Variants in ZNF536 observed in about 807,000 individuals in gnomAD.
ZNF536 encodes zinc finger protein 536.
In ZNF536, 13 loss-of-function variants were observed where a neutral mutation model predicts 84.5. That is an observed-to-expected ratio of 0.15 (90% CI 0.10 to 0.24). The LOEUF is 0.24. Among genes scored for constraint, ZNF536 ranks in the 10% least tolerant of loss-of-function variants. The probability of loss-of-function intolerance (pLI) is 1.00; values close to 1 mark genes in which losing one functional copy is unlikely to be tolerated. For missense variants in ZNF536, 1,536 were observed against 1,747.5 expected (o/e 0.88, Z 2.16); for synonymous variants, 811 against 742.5 (o/e 1.09, Z -1.50).
At chr19:30,417,278 T>C (rs1005837036) in intron 1 of ZNF536, among the ~76,000 whole-genome samples, 4 of 151,376 alleles carry the variant, frequency 2.6e-5, no homozygotes, top group African/African-American at 9.7e-5. Context: ...ATTATAAGCA[T>C]GAGCCACTGT....
chr19:30,604,865 T>C (rs1203150952), intron 1 of ZNF536, among the ~76,000 whole-genome samples: 2 of 152,314 alleles, frequency 1.3e-5, no homozygotes, highest in South Asian at 2.1e-4. Flanking sequence ...GAAATCTTCG[T>C]GCATGAATGA....
intron 2 of ZNF536, among the ~76,000 whole-genome samples, chr19:30,294,843 T>C (rs1342822799): frequency 4.6e-5 from 7 of 152,006 alleles, no homozygotes; most frequent in Admixed American, 6.6e-5. Flanking sequence ...GTGAGGGAGG[T>C]TGAGGCAGGC....
At chr19:30,490,254 C>T (rs2054456544) in intron 2 of ZNF536, among the ~76,000 whole-genome samples, 1 of 152,098 alleles carries the variant, frequency 6.6e-6, no homozygotes, top group Non-Finnish European at 1.5e-5. Flanking sequence ...TCTTGATAAG[C>T]CCTAGAATGG....
intron 1 of ZNF536, among the ~76,000 whole-genome samples, chr19:30,409,144 C>G (rs1203197995): frequency 2.0e-5 from 3 of 152,248 alleles, no homozygotes; most frequent in Admixed American, 6.5e-5. Flanking sequence ...TTGATCCATT[C>G]ATCCATCTAT....
chr19:30,705,349 T>G (rs1263746229), intron 1 of ZNF536, among the ~76,000 whole-genome samples: 1 of 150,268 alleles, frequency 6.7e-6, no homozygotes, highest in Non-Finnish European at 1.5e-5. Flanking sequence ...ATAAACAATA[T>G]TATGGATATA....
chr19:30,396,324 A>G (rs2049814484), intron 1 of ZNF536, among the ~76,000 whole-genome samples: 1 of 152,228 alleles, frequency 6.6e-6, no homozygotes, highest in East Asian at 1.9e-4. Flanking sequence ...TCTAGAGTCT[A>G]TAAAATAACC....
chr19:30,474,256 G>C lies in ZNF536; in HGVS notation c.2170+28524G>C, dbSNP rs547469143. 1.1e-4 allele frequency among the ~76,000 whole-genome samples: 17 copies of C among 152,212 alleles called. 1 individual carries two copies. In the South Asian group the frequency reaches 1.7e-3, roughly 15 times the overall value. ...GGCCAGACTGTGGAAGGCCTTGGACGCCAGGCAAGGATGACATCCTGCAAG... is the reference window on the plus strand; with the variant it reads ...GGCCAGACTGTGGAAGGCCTTGGACCCCAGGCAAGGATGACATCCTGCAAG... On this transcript the variant is annotated intron_variant, in intron 2 of 4. Coordinates refer to ENST00000355537, the MANE Select transcript of ZNF536 (RefSeq NM_014717.3).
chr19:30,549,050 A>G lies in ZNF536; in HGVS notation c.3431A>G (p.Asp1144Gly), dbSNP rs2146234329. 2.5e-6 allele frequency: 4 copies of G among 1,614,172 alleles called. No individual in the cohort carries two copies. The highest frequency in any genetic ancestry group is 3.4e-6 in the Non-Finnish European group (4 of 1,180,038). Residue 1144 changes from aspartate to glycine, a missense_variant, in exon 4 of 5, where the codon GAT (aspartate) becomes GGT (glycine). Asp to Gly is a moderately conservative substitution (Grantham distance 94). This residue lies in a region of ZNF536 where 624 missense variants were observed against 603.1 expected (regional missense o/e 1.03). Transcript: ENST00000355537. ...EPDGKAHSEEDVPILIPETTS... is the reference protein window; with the variant it reads ...EPDGKAHSEEGVPILIPETTS... ...GATGGAAAGGCCCACTCTGAAGAGGATGTCCCCATCCTGATCCCCGAAACC... is the reference window on the plus strand; with the variant it reads ...GATGGAAAGGCCCACTCTGAAGAGGGTGTCCCCATCCTGATCCCCGAAACC...
chr19:30,683,915 CT>C (rs1468395921), intron 1 of ZNF536, among the ~76,000 whole-genome samples: 1 of 152,162 alleles, frequency 6.6e-6, no homozygotes, highest in African/African-American at 2.4e-5. Context: ...GGAATCATAC[CT>C]TTATTCATCA....
intron 1 of ZNF536, among the ~76,000 whole-genome samples, chr19:30,640,248 G>A (rs1327213729): frequency 6.7e-6 from 1 of 150,264 alleles, no homozygotes; most frequent in Non-Finnish European, 1.5e-5. Context: ...GTGAGACCCT[G>A]TCTCAAGAAA....
At chr19:30,664,819 T>C (rs1363624247) in intron 1 of ZNF536, among the ~76,000 whole-genome samples, 8 of 152,294 alleles carry the variant, frequency 5.3e-5, no homozygotes, top group African/African-American at 1.9e-4. Context: ...CCGCATGTAC[T>C]CTGGACCCTT....
intron 3 of ZNF536, among the ~76,000 whole-genome samples, chr19:30,354,097 C>G (rs1186243559): frequency 6.6e-6 from 1 of 152,084 alleles, no homozygotes. Context: ...GGGTGGAGAC[C>G]GAGGGGGAGG....
At chr19:30,663,399 G>A (rs2050194814) in intron 1 of ZNF536, among the ~76,000 whole-genome samples, 1 of 152,142 alleles carries the variant, frequency 6.6e-6, no homozygotes, top group Non-Finnish European at 1.5e-5. Flanking sequence ...TATGCATACA[G>A]TATGTTTCTT....
chr19:30,369,537 G>T (rs960490128), upstream of ZNF536, among the ~76,000 whole-genome samples: 1 of 57,764 alleles, frequency 1.7e-5, no homozygotes, highest in African/African-American at 7.5e-5. Flanking sequence ...CTGTCCCGGG[G>T]TGTGGTTTTT....
intron 4 of ZNF536, among the ~76,000 whole-genome samples, chr19:30,552,458 CA>C (rs780148425): frequency 3.9e-5 from 6 of 152,146 alleles, no homozygotes; most frequent in African/African-American, 9.7e-5. Context: ...AGTGTTTGAA[CA>C]AGCATCAGAA....
chr19:30,293,045 A>G (rs1380623160), intron 2 of ZNF536, among the ~76,000 whole-genome samples: 2 of 152,158 alleles, frequency 1.3e-5, no homozygotes, highest in East Asian at 1.9e-4. Flanking sequence ...TTTGGATCGC[A>G]TGTTGTTTGG....
At chr19:30,584,487 A>G (rs566839243) in intron 1 of ZNF536, among the ~76,000 whole-genome samples, 87 of 152,308 alleles carry the variant, frequency 5.7e-4, no homozygotes, top group African/African-American at 1.9e-3. Context: ...CTGATTAAAT[A>G]AAAGTGTGTG....
At chr19:30,626,812 C>T (rs1034185082) in intron 1 of ZNF536, among the ~76,000 whole-genome samples, 7 of 152,328 alleles carry the variant, frequency 4.6e-5, no homozygotes, top group Admixed American at 3.9e-4. Context: ...ATAGGGATCC[C>T]GGCCAGCGGC....
chr19:30,487,787 T>A (rs1186010954), intron 2 of ZNF536, among the ~76,000 whole-genome samples: 1 of 152,200 alleles, frequency 6.6e-6, no homozygotes, highest in Non-Finnish European at 1.5e-5. Flanking sequence ...CCCCATTCCC[T>A]GAAACAAATC....
Sources: allele counts gnomAD v4.1 joint callset (sites outside exome capture counted in the v4.1 genomes callset), GRCh38; gene constraint gnomAD v4.1.1; regional missense constraint gnomAD v4.1.1; transcripts MANE v1.5; gene names NCBI Gene and HGNC (gene_info 2026-07-23, HGNC 2026-07-21).